Variants in SLIT3 observed in about 807,000 individuals in gnomAD.
The protein encoded by SLIT3 is slit homolog 3 protein.
Under a neutral mutation model 184.0 loss-of-function variants are expected in SLIT3, and 68 were observed. The ratio of observed to expected loss-of-function variants is 0.37; its 90% CI spans 0.30 to 0.45. The LOEUF is 0.45. SLIT3 is among the 20% of genes least tolerant of loss of function. The probability of loss-of-function intolerance (pLI) is 1.00; values close to 1 mark genes in which losing one functional copy is unlikely to be tolerated. For synonymous variants in SLIT3, 831 were observed against 828.6 expected, an observed-to-expected ratio of 1.00 and a Z score of -0.05; for missense variants, 1,707 against 2,026.0, an observed-to-expected ratio of 0.84 and a Z score of 3.02.
intron 16 of SLIT3, among the ~76,000 whole-genome samples, chr5:168,760,566 C>G (rs1755110605): frequency 6.6e-6 from 1 of 152,158 alleles, no homozygotes; most frequent in African/African-American, 2.4e-5. Flanking sequence ...CCCACCAGCC[C>G]TGGGGTAGGT....
chr5:169,188,703 TC>T (rs1763442126), intron 4 of SLIT3, among the ~76,000 whole-genome samples: 2 of 152,216 alleles, frequency 1.3e-5, no homozygotes, highest in South Asian at 4.1e-4. Context: ...GTGGCCATCT[TC>T]CATGGAGCAT....
intron 4 of SLIT3, among the ~76,000 whole-genome samples, chr5:169,172,292 G>A (rs1762843185): frequency 1.3e-5 from 2 of 152,130 alleles, no homozygotes; most frequent in East Asian, 1.9e-4. Context: ...TTATTTCAGG[G>A]TCCTTTTATG....
chr5:168,932,313 C>A (rs1762011733), intron 4 of SLIT3, among the ~76,000 whole-genome samples: 1 of 133,914 alleles, frequency 7.5e-6, no homozygotes. Context: ...TTCTTCTGGA[C>A]CAGATAAAAA....
At chr5:169,017,818 C>T (rs1283109261) in intron 4 of SLIT3, 1 of 152,308 alleles carries the variant, frequency 6.6e-6, no homozygotes, top group East Asian at 1.9e-4. Context: ...CCTAAGTCTT[C>T]TTTGGTTTAT....
At chr5:169,089,560 T>C (rs2113197365) in intron 4 of SLIT3, among the ~76,000 whole-genome samples, 1 of 152,168 alleles carries the variant, frequency 6.6e-6, no homozygotes, top group South Asian at 2.1e-4. Flanking sequence ...TCCCGTGCAC[T>C]CTCTGCCTAC....
chr5:169,026,001 C>T (rs1331727194), intron 4 of SLIT3, among the ~76,000 whole-genome samples: 1 of 152,136 alleles, frequency 6.6e-6, no homozygotes, highest in Non-Finnish European at 1.5e-5. Flanking sequence ...CAATCACCAG[C>T]CTGTCTCCTC....
chr5:168,824,601 T>C (rs566194728), intron 6 of SLIT3, among the ~76,000 whole-genome samples: 2 of 152,298 alleles, frequency 1.3e-5, no homozygotes, highest in Admixed American at 1.3e-4. Flanking sequence ...AGACATAATA[T>C]GTGGGGAAGT....
At chr5:168,693,465 T>C (rs1447238985) in intron 28 of SLIT3, among the ~76,000 whole-genome samples, 1 of 152,216 alleles carries the variant, frequency 6.6e-6, no homozygotes, top group Non-Finnish European at 1.5e-5. Context: ...AGATAAGCCC[T>C]GAAAAGCTTA....
At chr5:168,929,367 T>C (rs555506227) in intron 4 of SLIT3, among the ~76,000 whole-genome samples, 2 of 152,370 alleles carry the variant, frequency 1.3e-5, no homozygotes, top group East Asian at 3.9e-4. Flanking sequence ...TTTTATTTTA[T>C]GTGATTTAAA....
chr5:168,978,403 A>G (rs1754838688), intron 4 of SLIT3, among the ~76,000 whole-genome samples: 1 of 152,192 alleles, frequency 6.6e-6, no homozygotes, highest in South Asian at 2.1e-4. Flanking sequence ...GCCACCCTTC[A>G]TTCATCTGAT....
At chr5:168,745,042 A>T (rs1763756351) in intron 20 of SLIT3, among the ~76,000 whole-genome samples, 1 of 152,234 alleles carries the variant, frequency 6.6e-6, no homozygotes, top group South Asian at 2.1e-4. Context: ...CCATTTGAAC[A>T]TTTGTGATTC....
intron 2 of SLIT3, among the ~76,000 whole-genome samples, chr5:169,246,927 A>C (rs1352539484): frequency 1.4e-5 from 2 of 146,778 alleles, no homozygotes; most frequent in Admixed American, 6.8e-5. Flanking sequence ...GTCTCAAAAA[A>C]AAAAAAAAAA....
At chr5:169,256,910 G>A (rs1034119361) in intron 1 of SLIT3, among the ~76,000 whole-genome samples, 10 of 152,024 alleles carry the variant, frequency 6.6e-5, no homozygotes, top group Non-Finnish European at 1.3e-4. Context: ...GGATACCATG[G>A]GAATCACCTA....
chr5:169,281,123 T>C (rs896083336), intron 1 of SLIT3, among the ~76,000 whole-genome samples: 1 of 152,210 alleles, frequency 6.6e-6, no homozygotes, highest in Non-Finnish European at 1.5e-5. Context: ...TGAGCTTCTG[T>C]TGCTGGATTT....
chr5:168,970,810 G>A (rs950029053), intron 4 of SLIT3, among the ~76,000 whole-genome samples: 2 of 152,108 alleles, frequency 1.3e-5, no homozygotes, highest in Non-Finnish European at 2.9e-5. Context: ...TGTTACCTTG[G>A]GCAGGGTATG....
At chr5:168,901,676 C>T (rs1160470600) in intron 4 of SLIT3, among the ~76,000 whole-genome samples, 1 of 152,104 alleles carries the variant, frequency 6.6e-6, no homozygotes, top group East Asian at 1.9e-4. Flanking sequence ...AAGGACTCGC[C>T]CAAAGTCATA....
At chr5:168,759,021 T>A (rs907485644) in intron 16 of SLIT3, among the ~76,000 whole-genome samples, 1 of 152,200 alleles carries the variant, frequency 6.6e-6, no homozygotes, top group Admixed American at 6.6e-5. Flanking sequence ...GTATATGGTG[T>A]ACATGAAACA....
At chr5:169,150,516 T>TACACACAC (rs58010997) in intron 4 of SLIT3, among the ~76,000 whole-genome samples, 111 of 145,444 alleles carry the variant, frequency 7.6e-4, no homozygotes, top group Middle Eastern at 7.0e-3. Context: ...TTCACTCACA[T>TACACACAC]ACACACACAC....
At chr5:169,025,571 G>A (rs532153976) in intron 4 of SLIT3, among the ~76,000 whole-genome samples, 1 of 152,238 alleles carries the variant, frequency 6.6e-6, no homozygotes, top group Non-Finnish European at 1.5e-5. Flanking sequence ...ATCCATACCT[G>A]GTAAAGACGA....
Sources: allele counts gnomAD v4.1 joint callset (sites outside exome capture counted in the v4.1 genomes callset), GRCh38; gene constraint gnomAD v4.1.1; transcripts MANE v1.5; gene names NCBI Gene and HGNC (gene_info 2026-07-23, HGNC 2026-07-21).